PTPRT: variants seen among roughly 807,000 people sequenced by gnomAD.
PTPRT encodes the protein receptor-type tyrosine-protein phosphatase T.
Under a neutral mutation model 176.8 loss-of-function variants are expected in PTPRT, and 56 were observed. That is an observed-to-expected ratio of 0.32 (90% CI 0.26 to 0.40). PTPRT has a LOEUF of 0.40. Ranked by LOEUF, PTPRT falls within the 10% of genes least tolerant of loss-of-function variation. PTPRT has a pLI of 1.00. For missense variants in PTPRT, 1,540 were observed against 1,908.2 expected (o/e 0.81, Z 3.60); for synonymous variants, 783 against 739.0 (o/e 1.06, Z -0.96).
At chr20:42,248,572 G>T (rs1449740982) in intron 14 of PTPRT, 115 bp downstream of exon 14, 2 of 1,357,380 alleles carry the variant, frequency 1.5e-6, no homozygotes, top group Admixed American at 1.9e-5. Flanking sequence ...GACCTCAATG[G>T]TTATAACAGA....
At chr20:42,811,432 A>G (rs536000662) in intron 2 of PTPRT, among the ~76,000 whole-genome samples, 8 of 152,310 alleles carry the variant, frequency 5.3e-5, no homozygotes, top group African/African-American at 1.9e-4. Flanking sequence ...GTAGCAGAAG[A>G]AAAAGAAATT....
intron 18 of PTPRT, among the ~76,000 whole-genome samples, chr20:42,138,044 G>A (rs6065436): frequency 0.036 from 5,497 of 152,302 alleles, 138 homozygotes; most frequent in Non-Finnish European, 0.055. Context: ...TTGCACATGC[G>A]TCACCATCAC....
At chr20:42,462,951 T>A (rs1424264564) in intron 8 of PTPRT, among the ~76,000 whole-genome samples, 1 of 152,152 alleles carries the variant, frequency 6.6e-6, no homozygotes, top group East Asian at 1.9e-4. Context: ...AGCCTGGATA[T>A]AGCTCAAACT....
intron 1 of PTPRT, among the ~76,000 whole-genome samples, chr20:43,044,764 G>A (rs1162306173): frequency 1.3e-5 from 2 of 152,252 alleles, no homozygotes; most frequent in Admixed American, 1.3e-4. Context: ...GACAGCCAGT[G>A]TAGTGCACGG....
At chr20:42,442,252 T>C (rs1347480308) in intron 9 of PTPRT, among the ~76,000 whole-genome samples, 1 of 152,236 alleles carries the variant, frequency 6.6e-6, no homozygotes, top group African/African-American at 2.4e-5. Context: ...CGGAAGACGC[T>C]CCAGCCTCCT....
chr20:42,426,125 C>A (rs570049363), intron 9 of PTPRT, among the ~76,000 whole-genome samples: 38 of 152,134 alleles, frequency 2.5e-4, no homozygotes, highest in African/African-American at 9.2e-4. Context: ...CCTGGCAAAA[C>A]CCCCACCCTC....
intron 6 of PTPRT, among the ~76,000 whole-genome samples, chr20:42,743,305 G>C (rs1021002596): frequency 2.0e-5 from 3 of 152,170 alleles, no homozygotes; most frequent in Admixed American, 6.5e-5. Context: ...AAAGAGAAGA[G>C]GCCAAATCCT....
In PTPRT at chr20:43,188,752, G is replaced by T. The variant is rs1009402331; in HGVS notation, c.88+894C>A. 7.4e-5 allele frequency among the ~76,000 whole-genome samples: 10 copies of T among 135,940 alleles called. 1 individual carries two copies. The highest frequency in any genetic ancestry group is 2.1e-4 in the Admixed American group (3 of 14,070). 89.2% of individuals were successfully genotyped at this position (135,940 alleles called of 152,430 possible). A position where few individuals can be genotyped will look rare whatever the true frequency, so the allele number is the denominator to read the frequency against. ...CTCTTCCCTCCGCCGCTACTCTTGG[G>T]GGGGGGGGGGCTCGGGGGTGGAAGC... On this transcript the variant is annotated intron_variant, in intron 1 of 30. Transcript: ENST00000373187.
At chr20:42,596,580 C>G (rs1601340970) in intron 7 of PTPRT, among the ~76,000 whole-genome samples, 1 of 152,326 alleles carries the variant, frequency 6.6e-6, no homozygotes, top group East Asian at 1.9e-4. Flanking sequence ...ATGTTTGTAA[C>G]AGAAAACCTA....
intron 19 of PTPRT, among the ~76,000 whole-genome samples, chr20:42,127,668 G>C (rs145922720): frequency 1.0e-3 from 154 of 152,314 alleles, no homozygotes; most frequent in African/African-American, 3.4e-3. Context: ...CCCATGGACT[G>C]TGAGCTGAGG....
intron 7 of PTPRT, among the ~76,000 whole-genome samples, chr20:42,636,334 C>T (rs2074599992): frequency 6.6e-6 from 1 of 152,138 alleles, no homozygotes. Flanking sequence ...TTGCAAACTG[C>T]TCTTCCTGCT....
intron 9 of PTPRT, among the ~76,000 whole-genome samples, chr20:42,447,209 C>T (rs1011874147): frequency 2.6e-5 from 4 of 152,144 alleles, no homozygotes; most frequent in Non-Finnish European, 5.9e-5. Flanking sequence ...TAAGCCTCTT[C>T]GTGGGCCTGT....
At chr20:43,020,217 ATTATGTAATATATATATATATAT>A (rs915211811) in intron 1 of PTPRT, among the ~76,000 whole-genome samples, 3 of 111,902 alleles carry the variant, frequency 2.7e-5, no homozygotes, top group African/African-American at 7.8e-5. Context: ...ATGATATTTA[ATTATGTAATATATATATATATAT>A]TTATGTTATA....
chr20:42,617,571 G>A (rs2074106436), intron 7 of PTPRT, among the ~76,000 whole-genome samples: 1 of 136,500 alleles, frequency 7.3e-6, no homozygotes, highest in Non-Finnish European at 1.5e-5. Context: ...TCTGGTCCTG[G>A]ACTCTTTTTG....
At chr20:42,668,547 T>C (rs150661669) in intron 7 of PTPRT, among the ~76,000 whole-genome samples, 1 of 152,260 alleles carries the variant, frequency 6.6e-6, no homozygotes, top group Non-Finnish European at 1.5e-5. Context: ...GAGAGCTTTA[T>C]GTTTTGCCTC....
chr20:42,330,109 G>T (rs2145431759), intron 11 of PTPRT, among the ~76,000 whole-genome samples: 1 of 152,244 alleles, frequency 6.6e-6, no homozygotes, highest in Middle Eastern at 3.4e-3. Flanking sequence ...TATTTTCTAA[G>T]TACATGTTGA....
intron 9 of PTPRT, among the ~76,000 whole-genome samples, chr20:42,412,803 T>TA (rs1281833920): frequency 6.6e-6 from 1 of 152,078 alleles, no homozygotes; most frequent in Non-Finnish European, 1.5e-5. Context: ...AAAAGCTGCA[T>TA]CCTGTGGGAT....
At chr20:42,137,362 G>A (rs1381720177) in intron 18 of PTPRT, among the ~76,000 whole-genome samples, 3 of 152,188 alleles carry the variant, frequency 2.0e-5, no homozygotes, top group Admixed American at 1.3e-4. Context: ...TTCCTCACTA[G>A]GAGTGAGGGT....
intron 1 of PTPRT, among the ~76,000 whole-genome samples, chr20:42,903,207 CA>C (rs1201003239): frequency 6.6e-6 from 1 of 152,200 alleles, no homozygotes; most frequent in Admixed American, 6.5e-5. Flanking sequence ...TTAATCTTAA[CA>C]ACCATCTTGT....
Sources: allele counts gnomAD v4.1 joint callset (sites outside exome capture counted in the v4.1 genomes callset), GRCh38; gene constraint gnomAD v4.1.1; transcripts MANE v1.5; gene names NCBI Gene and HGNC (gene_info 2026-07-23, HGNC 2026-07-21).